Variants in DTNA observed in about 807,000 individuals in gnomAD.
The protein encoded by DTNA is dystrobrevin alpha.
A neutral mutation model predicts 100.7 loss-of-function variants in DTNA; 43 were observed. The ratio of observed to expected loss-of-function variants is 0.43; its 90% CI spans 0.33 to 0.55. The LOEUF (loss-of-function observed/expected upper bound fraction) is 0.55, where lower values mean the gene tolerates loss of function less well. Ranked by LOEUF, DTNA falls within the 20% of genes least tolerant of loss-of-function variation. DTNA has a pLI of 0.04. For synonymous variants in DTNA, 349 were observed against 347.9 expected, an observed-to-expected ratio of 1.00 and a Z score of -0.04; for missense variants, 798 against 953.9, an observed-to-expected ratio of 0.84 and a Z score of 2.15.
intron 3 of DTNA, among the ~76,000 whole-genome samples, chr18:34,769,861 A>G (rs1350639052): frequency 6.6e-6 from 1 of 151,070 alleles, no homozygotes; most frequent in Non-Finnish European, 1.5e-5. Flanking sequence ...AGCTGGAATT[A>G]CAGGCATGCA....
chr18:34,875,301 G>A lies in DTNA; in HGVS notation c.1806G>A (p.Met602Ile). The A allele has an allele frequency of 6.2e-7, 1 of 1,614,206 alleles. No homozygotes were observed. Among genetic ancestry groups the A allele is most frequent in the South Asian group, 1.1e-5 (1 of 91,086 alleles). The stretch of plus-strand genomic sequence containing the variant: ...ACACCATCAGCAGGCCAATTCCCAT[G>A]CCCATCCGGTCAGCGTCAGCCTGCT... ...PSHTISRPIPMPIRSASACST... is the reference protein window; with the variant it reads ...PSHTISRPIPIPIRSASACST... Residue 602 changes from methionine (M) to isoleucine (I), a missense_variant, in exon 18 of 23, where the codon ATG becomes ATA. Physicochemically the swap from Met to Ile is conservative, Grantham distance 10. Transcript: ENST00000444659.
intron 3 of DTNA, among the ~76,000 whole-genome samples, chr18:34,771,483 G>A (rs2093770444): frequency 6.6e-6 from 1 of 151,616 alleles, no homozygotes; most frequent in African/African-American, 2.4e-5. Context: ...CTGAGTGATA[G>A]AGTGAGACTC....
chr18:34,714,430 AAC>A (rs1381695906), intron 1 of DTNA, among the ~76,000 whole-genome samples: 2 of 149,580 alleles, frequency 1.3e-5, no homozygotes, highest in Non-Finnish European at 3.0e-5. Context: ...AAAGGACATG[AAC>A]AGACACTTCT....
In DTNA at chr18:34,743,599, C is replaced by A. The variant is rs59068231; in HGVS notation, c.-1-12377C>A. On this transcript the variant is annotated intron_variant, in intron 1 of 22. Coordinates refer to ENST00000444659, the MANE Select transcript of DTNA (RefSeq NM_001386795.1). ...ATTGTAAACTTGTTAAATGTAGGTT[C>A]TCTTATGTTCTCATTGTAAATGCAT... Among the ~76,000 whole-genome samples, 612 of 152,174 alleles carry A rather than the reference C, an allele frequency of 4.0e-3. 3 individuals are homozygous for A. Among genetic ancestry groups the A allele is most frequent in the African/African-American group, 0.014 (563 of 41,536 alleles).
intron 1 of DTNA, among the ~76,000 whole-genome samples, chr18:34,688,093 C>T (rs1446015033): frequency 6.6e-6 from 1 of 152,032 alleles, no homozygotes; most frequent in Non-Finnish European, 1.5e-5. Flanking sequence ...GACTCTTTAT[C>T]CGATTTGCCA....
intron 1 of DTNA, among the ~76,000 whole-genome samples, chr18:34,658,986 T>G (rs2074788831): frequency 6.6e-6 from 1 of 152,238 alleles, no homozygotes; most frequent in South Asian, 2.1e-4. Flanking sequence ...TGCACTGTTC[T>G]TTAGCTTAGA....
At chr18:34,524,924 T>A (rs2042472919) in intron 1 of DTNA, among the ~76,000 whole-genome samples, 1 of 152,116 alleles carries the variant, frequency 6.6e-6, no homozygotes, top group South Asian at 2.1e-4. Context: ...ACTGGAGCTG[T>A]ATATAAAAGG....
At chr18:34,620,421 G>A (rs1238154313) in intron 1 of DTNA, among the ~76,000 whole-genome samples, 1 of 152,176 alleles carries the variant, frequency 6.6e-6, no homozygotes, top group Non-Finnish European at 1.5e-5. Flanking sequence ...AAGTTACAGA[G>A]AATGAAGAGA....
At chr18:34,852,062 C>A in intron 15 of DTNA, 134 bp downstream of exon 15, 2 of 892,472 alleles carry the variant, frequency 2.2e-6, no homozygotes, top group Non-Finnish European at 3.6e-6. Context: ...CTCAGTGATG[C>A]TCACTTCCAA....
At chr18:34,743,864 T>C (rs1335796156) in intron 1 of DTNA, among the ~76,000 whole-genome samples, 1 of 152,094 alleles carries the variant, frequency 6.6e-6, no homozygotes, top group Non-Finnish European at 1.5e-5. Flanking sequence ...TACACAGTGA[T>C]GGTCATATTG....
intron 1 of DTNA, among the ~76,000 whole-genome samples, chr18:34,548,111 A>G (rs531317072): frequency 2.0e-5 from 3 of 152,158 alleles, no homozygotes; most frequent in Non-Finnish European, 4.4e-5. Context: ...ATTCTTGGGT[A>G]GTTAGAGACT....
intron 1 of DTNA, chr18:34,558,259 C>T (rs1314572672): frequency 6.5e-6 from 1 of 153,534 alleles, no homozygotes; most frequent in Non-Finnish European, 1.4e-5. Flanking sequence ...CTGACTTGCG[C>T]CCACTGTCTG....
chr18:34,598,440 A>G (rs374604855), intron 1 of DTNA, among the ~76,000 whole-genome samples: 1 of 152,230 alleles, frequency 6.6e-6, no homozygotes, highest in Non-Finnish European at 1.5e-5. Context: ...ATCTCATTGC[A>G]TACAACCTCA....
chr18:34,794,650 C>T (rs1478412134), intron 4 of DTNA, among the ~76,000 whole-genome samples: 1 of 152,036 alleles, frequency 6.6e-6, no homozygotes, highest in Non-Finnish European at 1.5e-5. Flanking sequence ...CTAACAAGGC[C>T]CTACAGCAAA....
At chr18:34,692,905 A>G (rs182128201) in intron 1 of DTNA, among the ~76,000 whole-genome samples, 301 of 152,334 alleles carry the variant, frequency 2.0e-3, no homozygotes, top group Middle Eastern at 0.01. Flanking sequence ...ATAAATATCT[A>G]TGACTAATTA....
chr18:34,875,087 A>G (rs1442813166), intron 17 of DTNA, 152 bp from the exon 18 acceptor site: 1 of 1,176,924 alleles, frequency 8.5e-7, no homozygotes, highest in Non-Finnish European at 1.2e-6. Context: ...TGCACCTGCA[A>G]ATTAGCTTTA....
At chr18:34,572,961 C>T (rs950444727) in intron 1 of DTNA, among the ~76,000 whole-genome samples, 3 of 152,186 alleles carry the variant, frequency 2.0e-5, no homozygotes, top group African/African-American at 7.2e-5. Flanking sequence ...CACTTAATCT[C>T]TCTGACATCC....
chr18:34,554,336 TTC>T (rs2045791544), intron 1 of DTNA, among the ~76,000 whole-genome samples: 1 of 143,204 alleles, frequency 7.0e-6, no homozygotes, highest in Non-Finnish European at 1.5e-5. Flanking sequence ...ACAATTTGAC[TTC>T]CTCTTTTCCT....
chr18:34,826,055 G>C (rs2095852022), intron 9 of DTNA, among the ~76,000 whole-genome samples: 1 of 152,064 alleles, frequency 6.6e-6, no homozygotes, highest in Non-Finnish European at 1.5e-5. Context: ...ATATGTCTTA[G>C]ATAAGTAATG....
Sources: allele counts gnomAD v4.1 joint callset (sites outside exome capture counted in the v4.1 genomes callset), GRCh38; gene constraint gnomAD v4.1.1; transcripts MANE v1.5; gene names NCBI Gene and HGNC (gene_info 2026-07-23, HGNC 2026-07-21).